The following TRPS1 variants were observed in gnomAD, a reference collection of about 807,000 sequenced individuals.
TRPS1 encodes transcriptional repressor GATA binding 1, also known as zinc finger transcription factor Trps1.
Under a neutral mutation model 101.2 loss-of-function variants are expected in TRPS1, and 6 were observed. That is an observed-to-expected ratio of 0.06 (90% CI 0.03 to 0.12). The LOEUF is 0.12. Ranked by LOEUF, TRPS1 falls within the 10% of genes least tolerant of loss-of-function variation. The probability of loss-of-function intolerance (pLI) is 1.00; values close to 1 mark genes in which losing one functional copy is unlikely to be tolerated. For synonymous variants in TRPS1, 578 were observed against 589.8 expected (o/e 0.98, Z 0.29); for missense variants, 1,363 against 1,567.0 (o/e 0.87, Z 2.20).
intron 5 of TRPS1, among the ~76,000 whole-genome samples, chr8:115,477,535 G>A (rs890874565): frequency 4.6e-5 from 7 of 152,134 alleles, no homozygotes; most frequent in African/African-American, 1.7e-4. Flanking sequence ...GAGCAAATTG[G>A]AAACTCCAGC....
At chr8:115,550,629 C>T (rs1816682184) in intron 5 of TRPS1, among the ~76,000 whole-genome samples, 1 of 152,168 alleles carries the variant, frequency 6.6e-6, no homozygotes, top group South Asian at 2.1e-4. Context: ...TACTGGAAAT[C>T]TTCTACCAAG....
intron 5 of TRPS1, among the ~76,000 whole-genome samples, chr8:115,433,440 T>C (rs1813371681): frequency 1.3e-5 from 2 of 152,104 alleles, no homozygotes; most frequent in African/African-American, 2.4e-5. Flanking sequence ...AACTAAATAA[T>C]ATTTAGTTTG....
chr8:115,621,673 GGGA>G (rs1321877619), intron 2 of TRPS1, among the ~76,000 whole-genome samples: 2 of 152,202 alleles, frequency 1.3e-5, no homozygotes, highest in Non-Finnish European at 2.9e-5. Context: ...CCAGCACTTT[GGGA>G]GGCCACGGCG....
At chr8:115,441,010 CTG>C (rs1209915464) in intron 5 of TRPS1, among the ~76,000 whole-genome samples, 2 of 152,112 alleles carry the variant, frequency 1.3e-5, no homozygotes, top group East Asian at 3.9e-4. Context: ...GATCTTTAAA[CTG>C]TTAAGGCCTC....
rs182207996 is a variant in TRPS1 at position 115,432,529 on chromosome 8, C to G, written c.2701-14077G>C. On this transcript the variant is annotated intron_variant, in intron 5 of 6. Coordinates refer to ENST00000395715, the MANE Select transcript of TRPS1 (RefSeq NM_014112.5). ...TTTAAATTTATTTTTTAAATGCATTCCAAATGAAAGCAGTAATTCAAAAAT... is the reference window on the plus strand; with the variant it reads ...TTTAAATTTATTTTTTAAATGCATTGCAAATGAAAGCAGTAATTCAAAAAT... Among the ~76,000 whole-genome samples the G allele has an allele frequency of 9.4e-4, 142 of 151,752 alleles. 3 individuals are homozygous for G. Among genetic ancestry groups the G allele is most frequent in the Admixed American group, 9.1e-3 (139 of 15,226 alleles).
chr8:115,624,434 G>A (rs1304475358), intron 1 of TRPS1, among the ~76,000 whole-genome samples: 1 of 151,852 alleles, frequency 6.6e-6, no homozygotes, highest in Non-Finnish European at 1.5e-5. Context: ...ATAGTGAGCA[G>A]GCCTACATTA....
At chr8:115,477,932 A>G (rs1459808538) in intron 5 of TRPS1, among the ~76,000 whole-genome samples, 1 of 152,048 alleles carries the variant, frequency 6.6e-6, no homozygotes, top group African/African-American at 2.4e-5. Context: ...ATGCTATCAC[A>G]TATCTCAATT....
intron 5 of TRPS1, among the ~76,000 whole-genome samples, chr8:115,485,699 GA>G (rs1814862415): frequency 6.6e-6 from 1 of 152,024 alleles, no homozygotes; most frequent in South Asian, 2.1e-4. Flanking sequence ...AAGCTGAGGC[GA>G]AAAGGCACAG....
chr8:115,648,546 G>C (rs1997586), intron 1 of TRPS1, among the ~76,000 whole-genome samples: 150,719 of 152,294 alleles, frequency 0.99, 74,589 homozygotes, highest in Middle Eastern at 1. Flanking sequence ...TTCCCAGACT[G>C]AGCCAACTCA....
chr8:115,580,234 G>GAA (rs10642817), intron 5 of TRPS1, among the ~76,000 whole-genome samples: 31,331 of 132,562 alleles, frequency 0.24, 3,876 homozygotes, highest in Middle Eastern at 0.37. Flanking sequence ...AGGGAGAGAA[G>GAA]AAAAAAAAAA....
intron 5 of TRPS1, among the ~76,000 whole-genome samples, chr8:115,475,870 A>G (rs1814593053): frequency 6.6e-6 from 1 of 152,214 alleles, no homozygotes; most frequent in Non-Finnish European, 1.5e-5. Context: ...GTTCTAGCTC[A>G]ATAAACTTGA....
At chr8:115,667,311 A>G (rs1173267093) in intron 1 of TRPS1, among the ~76,000 whole-genome samples, 2 of 152,156 alleles carry the variant, frequency 1.3e-5, no homozygotes, top group Non-Finnish European at 2.9e-5. Flanking sequence ...CAGCCACAAA[A>G]ACAGCTTTAC....
intron 5 of TRPS1, among the ~76,000 whole-genome samples, chr8:115,506,224 GA>G (rs1419479757): frequency 4.0e-5 from 6 of 151,832 alleles, no homozygotes; most frequent in African/African-American, 9.6e-5. Context: ...ATTTGTAGGG[GA>G]AAAAATGGGG....
In TRPS1 at chr8:115,412,194, A is replaced by C. The variant is rs1812806618; in HGVS notation, c.*1829T>G. The C allele has an allele frequency of 6.6e-6, 1 of 152,312 alleles. No homozygotes were observed. The highest frequency in any genetic ancestry group is 6.6e-5 in the Admixed American group (1 of 15,214). The allele number at this position is 152,312 out of a possible 1,614,324, so 9.4% of individuals were successfully genotyped here. On this transcript the variant is annotated 3_prime_UTR_variant, in exon 7 of 7. Transcript: ENST00000395715. ...GCTTAAAAATTAAAAAAAAAAAAGT[A>C]CTTGGAATGAATAAGTGCTACCCTT...
chr8:115,665,468 T>C (rs574506470), intron 1 of TRPS1, among the ~76,000 whole-genome samples: 2 of 152,316 alleles, frequency 1.3e-5, no homozygotes, highest in South Asian at 2.1e-4. Flanking sequence ...GTTTTAAAGG[T>C]CTTCCTTATG....
intron 1 of TRPS1, among the ~76,000 whole-genome samples, chr8:115,646,466 C>T (rs1475761762): frequency 6.6e-6 from 1 of 152,026 alleles, no homozygotes; most frequent in Admixed American, 6.5e-5. Flanking sequence ...ATCTGGAGAA[C>T]AAATAAACTT....
intron 1 of TRPS1, among the ~76,000 whole-genome samples, chr8:115,640,808 G>C (rs1230140879): frequency 6.6e-6 from 1 of 152,188 alleles, no homozygotes; most frequent in Non-Finnish European, 1.5e-5. Flanking sequence ...TGAAAACTAA[G>C]TTTTGGATAA....
At chr8:115,448,225 C>T (rs181087375) in intron 5 of TRPS1, among the ~76,000 whole-genome samples, 1 of 152,274 alleles carries the variant, frequency 6.6e-6, no homozygotes, top group East Asian at 1.9e-4. Flanking sequence ...GTAATTTATT[C>T]TTTTCTACTG....
intron 5 of TRPS1, among the ~76,000 whole-genome samples, chr8:115,447,183 G>T (rs1441916625): frequency 6.6e-6 from 1 of 152,032 alleles, no homozygotes; most frequent in Non-Finnish European, 1.5e-5. Context: ...TGGCCTTCTG[G>T]GTTCTGCTAC....
Sources: gnomAD v4.1 joint callset for allele counts (sites outside exome capture counted in the v4.1 genomes callset) on GRCh38, gnomAD v4.1.1 for gene constraint, MANE v1.5 for transcripts, NCBI Gene and HGNC (gene_info 2026-07-23, HGNC 2026-07-21) for gene names.